The following PRUNE2 variants were observed in gnomAD, a reference collection of about 807,000 sequenced individuals.
PRUNE2 encodes the protein prune homolog 2 with BCH domain.
In PRUNE2, 164 loss-of-function variants were observed where a neutral mutation model predicts 252.0. That is an observed-to-expected ratio of 0.65 (90% CI 0.57 to 0.74). The LOEUF (loss-of-function observed/expected upper bound fraction) is 0.74. Among genes scored for constraint, PRUNE2 ranks in the 30% least tolerant of loss-of-function variants. The pLI is 0.00. For missense variants in PRUNE2, 3,495 were observed against 3,711.0 expected (o/e 0.94, Z 1.51); for synonymous variants, 1,292 against 1,350.2 (o/e 0.96, Z 0.94).
At chr9:76,887,229 T>C (rs983788888) in intron 1 of PRUNE2, among the ~76,000 whole-genome samples, 1 of 152,090 alleles carries the variant, frequency 6.6e-6, no homozygotes, top group Non-Finnish European at 1.5e-5. Flanking sequence ...TCATCCCAAA[T>C]GAAAACAACC....
chr9:76,761,147 T>A (rs2130728500), intron 6 of PRUNE2, among the ~76,000 whole-genome samples: 1 of 151,480 alleles, frequency 6.6e-6, no homozygotes, highest in Middle Eastern at 3.5e-3. Context: ...CCAAATTTAA[T>A]AGAATTGCCT....
intron 6 of PRUNE2, among the ~76,000 whole-genome samples, chr9:76,747,675 G>A (rs1285935838): frequency 6.6e-6 from 1 of 152,120 alleles, no homozygotes; most frequent in Non-Finnish European, 1.5e-5. Context: ...TTAAGAAATG[G>A]ATACTTGAAG....
intron 1 of PRUNE2, among the ~76,000 whole-genome samples, chr9:76,888,598 T>TATG (rs2062255779): frequency 6.7e-6 from 1 of 148,632 alleles, no homozygotes; most frequent in Non-Finnish European, 1.5e-5. Flanking sequence ...TAATAACTAT[T>TATG]ATTATTATTA....
chr9:76,773,611 T>G (rs1290413174), intron 6 of PRUNE2, among the ~76,000 whole-genome samples: 2 of 152,042 alleles, frequency 1.3e-5, no homozygotes, highest in African/African-American at 2.4e-5. Context: ...GCCAGGCTAA[T>G]TTTTGTACTT....
chr9:76,751,089 C>G (rs573482619), intron 6 of PRUNE2, among the ~76,000 whole-genome samples: 2 of 152,288 alleles, frequency 1.3e-5, no homozygotes, highest in Admixed American at 6.5e-5. Flanking sequence ...AATCTAGACC[C>G]GTAACATACG....
chr9:76,741,035 G>A (rs942072165), intron 6 of PRUNE2, among the ~76,000 whole-genome samples: 4 of 152,142 alleles, frequency 2.6e-5, no homozygotes, highest in African/African-American at 9.7e-5. Flanking sequence ...ATTTAAGGGT[G>A]AAGAATACAC....
rs1215400803 is a variant in PRUNE2, at chr9:76,794,933, A to G, written c.756+28699T>C. Among the ~76,000 whole-genome samples, 4 of 152,184 alleles carry G rather than the reference A, an allele frequency of 2.6e-5. No homozygotes were observed. In the East Asian group the frequency reaches 7.7e-4, roughly 29 times the overall value. ...TATTATAATTATTATTACTTGAATTATCAGTCTGTTGATGTAGACCTACTA... is the reference window on the plus strand; with the variant it reads ...TATTATAATTATTATTACTTGAATTGTCAGTCTGTTGATGTAGACCTACTA... On this transcript the variant is annotated intron_variant, in intron 6 of 18. Coordinates refer to ENST00000376718, the MANE Select transcript of PRUNE2 (RefSeq NM_015225.3).
chr9:76,755,722 G>C (rs915115933), intron 6 of PRUNE2, among the ~76,000 whole-genome samples: 3 of 152,122 alleles, frequency 2.0e-5, no homozygotes, highest in African/African-American at 7.2e-5. Context: ...TCTGTTTTGA[G>C]TCAGGGTCTC....
intron 12 of PRUNE2, chr9:76,642,072 C>T: frequency 1.0e-6 from 1 of 960,538 alleles, no homozygotes; most frequent in Non-Finnish European, 1.5e-6. Flanking sequence ...TATTGTTCTC[C>T]ATTATTTAAA....
chr9:76,647,940 G>A (rs1487197224), intron 11 of PRUNE2, among the ~76,000 whole-genome samples: 2 of 152,154 alleles, frequency 1.3e-5, no homozygotes, highest in African/African-American at 2.4e-5. Flanking sequence ...CCAGCCTGGC[G>A]ACAGCACGAG....
chr9:76,703,844 T>A lies in PRUNE2; in HGVS notation c.7769A>T (p.Gln2590Leu), dbSNP rs1188928831. ...GSKETGLQGTQLASFPDTCQP... is the reference protein window; with the variant it reads ...GSKETGLQGTLLASFPDTCQP... ...ACATGTGTCTGGGAAGCTTGCTAAC[T>A]GAGTTCCCTGCAGCCCTGTTTCTTT... is the stretch of plus-strand genomic sequence containing the variant. The change falls in exon 9 of 19, where the codon CAG becomes CTG. Residue 2590 changes from glutamine (Q) to leucine (L), a missense_variant. Physicochemically the swap from Gln to Leu is moderately radical, Grantham distance 113. Coordinates refer to ENST00000376718, the MANE Select transcript of PRUNE2 (RefSeq NM_015225.3). 10 of 1,613,940 alleles carry A rather than the reference T, an allele frequency of 6.2e-6. No homozygotes were observed.
At chr9:76,660,966 A>G (rs1851183349) in intron 9 of PRUNE2, among the ~76,000 whole-genome samples, 1 of 152,110 alleles carries the variant, frequency 6.6e-6, no homozygotes, top group Non-Finnish European at 1.5e-5. Context: ...AGGCATTTCC[A>G]GGAGATGCAA....
Position 76,896,109 on chromosome 9 carries a change from G to T in PRUNE2, c.36+9819C>A, listed in dbSNP as rs547568886. On this transcript the variant is annotated intron_variant, in intron 1 of 18. Coordinates refer to ENST00000376718, the MANE Select transcript of PRUNE2 (RefSeq NM_015225.3). ...CTTCTTATAGGTCCTGTTTGATTTTGGTTTTGTTTGTGTAGTTTCCCCATC... is the reference window on the plus strand; with the variant it reads ...CTTCTTATAGGTCCTGTTTGATTTTTGTTTTGTTTGTGTAGTTTCCCCATC... Among the ~76,000 whole-genome samples, 140 of 145,182 alleles carry T rather than the reference G, an allele frequency of 9.6e-4. 2 individuals are homozygous for T. In the East Asian group the frequency reaches 0.027, roughly 28 times the overall value.
At chr9:76,753,780 T>C (rs1362039501) in intron 6 of PRUNE2, among the ~76,000 whole-genome samples, 2 of 152,036 alleles carry the variant, frequency 1.3e-5, no homozygotes, top group African/African-American at 4.8e-5. Context: ...TAGCTGGGCG[T>C]GGTGGCGGGC....
Position 76,708,260 on chromosome 9 carries a change from G to A in PRUNE2, c.4014C>T (p.His1338=), listed in dbSNP as rs2046451111. The change falls in exon 8 of 19, where the codon CAC becomes CAT. Residue 1338 remains histidine (H), a synonymous_variant. Transcript: ENST00000376718. Reference sequence around the variant, plus strand: ...AGGCGATCACCTCCTCTTCATCAAGGTGCCCCCTGTCAGTGGCTCCCTGGG... The same window carrying A: ...AGGCGATCACCTCCTCTTCATCAAGATGCCCCCTGTCAGTGGCTCCCTGGG... The part of the protein sequence containing the change: ...KEAQGATDRG[H]LDEEEVIASG... 6.2e-7 allele frequency: 1 copy of A among 1,613,622 alleles called. No homozygotes were observed. Among genetic ancestry groups the A allele is most frequent in the Non-Finnish European group, 8.5e-7 (1 of 1,179,866 alleles).
chr9:76,812,138 G>T (rs988198390), intron 6 of PRUNE2, among the ~76,000 whole-genome samples: 1 of 152,190 alleles, frequency 6.6e-6, no homozygotes, highest in African/African-American at 2.4e-5. Context: ...ATGCATCATT[G>T]CAGAGAGCAA....
chr9:76,697,575 C>A (rs489069), intron 9 of PRUNE2, among the ~76,000 whole-genome samples: 76,296 of 151,986 alleles, frequency 0.5, 20,735 homozygotes, highest in Middle Eastern at 0.72. Flanking sequence ...GGTTCTGGCT[C>A]AGTCTGTCTC....
At chr9:76,674,254 AC>A (rs2042084379) in intron 9 of PRUNE2, among the ~76,000 whole-genome samples, 2 of 152,192 alleles carry the variant, frequency 1.3e-5, no homozygotes, top group African/African-American at 4.8e-5. Context: ...ATTCTTATAC[AC>A]CAACAACAGA....
intron 4 of PRUNE2, among the ~76,000 whole-genome samples, chr9:76,827,583 C>A (rs754509504): frequency 3.3e-5 from 5 of 152,106 alleles, no homozygotes; most frequent in African/African-American, 1.2e-4. Context: ...AAAGTACTAC[C>A]GTCTCTGTTT....
Sources: allele counts gnomAD v4.1 joint callset (sites outside exome capture counted in the v4.1 genomes callset), GRCh38; gene constraint gnomAD v4.1.1; transcripts MANE v1.5; gene names NCBI Gene and HGNC (gene_info 2026-07-23, HGNC 2026-07-21).